TWSG1: variants seen among roughly 807,000 people sequenced by gnomAD.
The protein encoded by TWSG1 is twisted gastrulation BMP signaling modulator 1.
In TWSG1, 15 loss-of-function variants were observed where a neutral mutation model predicts 23.0. That is an observed-to-expected ratio of 0.65 (90% CI 0.44 to 1.00). TWSG1 has a LOEUF of 1.00. TWSG1 is among the 50% of genes least tolerant of loss of function. The pLI is 0.00. For synonymous variants in TWSG1, 86 were observed against 92.8 expected, an observed-to-expected ratio of 0.93 and a Z score of 0.42; for missense variants, 242 against 278.7, an observed-to-expected ratio of 0.87 and a Z score of 0.94.
At chr18:9,392,246 T>A (rs945339370) in intron 3 of TWSG1, among the ~76,000 whole-genome samples, 1 of 152,262 alleles carries the variant, frequency 6.6e-6, no homozygotes, top group African/African-American at 2.4e-5. Flanking sequence ...GAAAATCTGT[T>A]GTTTGGTGTA....
intron 2 of TWSG1, among the ~76,000 whole-genome samples, chr18:9,347,156 AT>A (rs1291993701): frequency 6.6e-6 from 1 of 152,088 alleles, no homozygotes; most frequent in Non-Finnish European, 1.5e-5. Flanking sequence ...TCTCTGGCCC[AT>A]TTTTTAATTG....
chr18:9,387,158 A>G (rs2040688435), intron 3 of TWSG1, among the ~76,000 whole-genome samples: 1 of 152,222 alleles, frequency 6.6e-6, no homozygotes, highest in Admixed American at 6.5e-5. Context: ...AGTGAAGAGA[A>G]GAAAGAAACT....
rs367828859 is a variant in TWSG1, at chr18:9,363,327, C to CTTT, written c.223+3263_223+3265dup. The stretch of plus-strand genomic sequence containing the variant: ...GATCTCCACCCACAAGCTCTTTTTT[C>CTTT]TTTTTTTTTACTGTTTTTACTTTTC... On this transcript the variant is annotated intron_variant, in intron 3 of 4. Transcript: ENST00000262120. Among the ~76,000 whole-genome samples, 927 of 151,018 alleles carry CTTT rather than the reference C, an allele frequency of 6.1e-3. 2 individuals carry two copies. The highest frequency in any genetic ancestry group is 0.02 in the South Asian group (94 of 4,790).
chr18:9,384,631 T>TGCTTATG (rs1379260340), intron 3 of TWSG1, among the ~76,000 whole-genome samples: 7 of 151,528 alleles, frequency 4.6e-5, no homozygotes, highest in African/African-American at 1.7e-4. Context: ...AAGACAAATG[T>TGCTTATG]GCTTATGTGC....
intron 2 of TWSG1, among the ~76,000 whole-genome samples, chr18:9,356,971 T>TAA (rs34315660): frequency 0.033 from 3,982 of 122,268 alleles, 134 homozygotes; most frequent in East Asian, 0.15. Context: ...TTTATAAATC[T>TAA]AAAAAAAAAA....
At chr18:9,395,139 TG>T (rs938479764) in intron 3 of TWSG1, among the ~76,000 whole-genome samples, 3 of 152,200 alleles carry the variant, frequency 2.0e-5, no homozygotes, top group African/African-American at 7.2e-5. Flanking sequence ...GTACAGACCT[TG>T]ATTATACAGG....
chr18:9,395,630 A>G (rs1015720130), intron 3 of TWSG1, among the ~76,000 whole-genome samples: 2 of 152,226 alleles, frequency 1.3e-5, no homozygotes, highest in Non-Finnish European at 2.9e-5. Flanking sequence ...CCAATGGTAC[A>G]GTGATAGCTT....
chr18:9,395,727 A>G (rs1454470105), intron 3 of TWSG1, among the ~76,000 whole-genome samples: 1 of 152,112 alleles, frequency 6.6e-6, no homozygotes, highest in African/African-American at 2.4e-5. Flanking sequence ...CACCACACCC[A>G]GCTAATATTT....
Position 9,390,873 on chromosome 18 carries a change from C to T in TWSG1, c.224-5407C>T, listed in dbSNP as rs190593435. 3.0e-3 allele frequency among the ~76,000 whole-genome samples: 462 copies of T among 152,200 alleles called. 12 individuals carry two copies. Among genetic ancestry groups the T allele is most frequent in the Admixed American group, 0.028 (433 of 15,280 alleles). On this transcript the variant is annotated intron_variant, in intron 3 of 4. Transcript: ENST00000262120. Reference sequence around the variant, plus strand: ...CAAAAAATGGAAAAAATTAGCTGGGCGTGGTGGTGCACACCTCTAGACCTA... The same window carrying T: ...CAAAAAATGGAAAAAATTAGCTGGGTGTGGTGGTGCACACCTCTAGACCTA...
intron 3 of TWSG1, among the ~76,000 whole-genome samples, chr18:9,377,256 T>C (rs1335396743): frequency 6.6e-6 from 1 of 151,984 alleles, no homozygotes; most frequent in Non-Finnish European, 1.5e-5. Flanking sequence ...TCTTGCTCTG[T>C]TGCCCAGGCT....
At chr18:9,339,219 TTG>T in intron 2 of TWSG1, among the ~76,000 whole-genome samples, 1 of 150,876 alleles carries the variant, frequency 6.6e-6, no homozygotes, top group East Asian at 1.9e-4. Context: ...AAAAAAAAAA[TTG>T]TACTTTATTT....
chr18:9,380,440 T>G (rs1238985811), intron 3 of TWSG1, among the ~76,000 whole-genome samples: 2 of 152,240 alleles, frequency 1.3e-5, no homozygotes, highest in Non-Finnish European at 2.9e-5. Flanking sequence ...TTCAGCTTCT[T>G]GTGAAGATGA....
chr18:9,393,340 C>A (rs1331683076), intron 3 of TWSG1, among the ~76,000 whole-genome samples: 1 of 152,212 alleles, frequency 6.6e-6, no homozygotes, highest in African/African-American at 2.4e-5. Context: ...GAACAAGAAT[C>A]ATTTCCTTAG....
At chr18:9,389,193 C>A (rs2040699916) in intron 3 of TWSG1, among the ~76,000 whole-genome samples, 1 of 152,082 alleles carries the variant, frequency 6.6e-6, no homozygotes, top group South Asian at 2.1e-4. Context: ...TCAGGCTGGT[C>A]TCGAACTCCT....
At chr18:9,392,333 G>A (rs561875201) in intron 3 of TWSG1, among the ~76,000 whole-genome samples, 9 of 152,304 alleles carry the variant, frequency 5.9e-5, no homozygotes, top group Non-Finnish European at 7.3e-5. Context: ...GCTGCTTCTC[G>A]TTGCACTTTT....
intron 3 of TWSG1, among the ~76,000 whole-genome samples, chr18:9,376,460 T>C (rs1311852632): frequency 1.3e-5 from 2 of 152,114 alleles, no homozygotes; most frequent in Non-Finnish European, 2.9e-5. Flanking sequence ...AGGAAAATAA[T>C]AGCCCAGAAA....
intron 3 of TWSG1, among the ~76,000 whole-genome samples, chr18:9,378,209 C>T (rs1333347103): frequency 6.6e-6 from 1 of 152,116 alleles, no homozygotes; most frequent in African/African-American, 2.4e-5. Flanking sequence ...AAAAACAAAA[C>T]AAGGATGCCC....
At chr18:9,372,945 A>G (rs76821464) in intron 3 of TWSG1, among the ~76,000 whole-genome samples, 1 of 152,220 alleles carries the variant, frequency 6.6e-6, no homozygotes, top group Non-Finnish European at 1.5e-5. Flanking sequence ...GTCTAAATGC[A>G]CCAATTAAAA....
intron 2 of TWSG1, among the ~76,000 whole-genome samples, chr18:9,338,045 G>A (rs527354427): frequency 2.3e-4 from 35 of 152,260 alleles, no homozygotes; most frequent in Middle Eastern, 3.4e-3. Context: ...GGCTCGTATT[G>A]AACTCCTGAT....
Sources: gnomAD v4.1 joint callset for allele counts (sites outside exome capture counted in the v4.1 genomes callset) on GRCh38, gnomAD v4.1.1 for gene constraint, MANE v1.5 for transcripts, NCBI Gene and HGNC (gene_info 2026-07-23, HGNC 2026-07-21) for gene names.